Variants in ZC3H8 observed in about 807,000 individuals in gnomAD.
ZC3H8 encodes zinc finger CCCH-type containing 8.
A neutral mutation model predicts 42.5 loss-of-function variants in ZC3H8; 27 were observed. The observed-to-expected ratio is 0.64, with a 90% CI of 0.47 to 0.88. ZC3H8 has a LOEUF of 0.88. Among genes scored for constraint, ZC3H8 ranks in the 40% least tolerant of loss-of-function variants. The pLI, the probability that ZC3H8 is intolerant of heterozygous loss-of-function variation, is 0.00. For synonymous variants in ZC3H8, 101 were observed against 110.1 expected (o/e 0.92, Z 0.52); for missense variants, 277 against 336.1 (o/e 0.82, Z 1.37).
intron 3 of ZC3H8, among the ~76,000 whole-genome samples, chr2:112,237,448 G>A (rs1173525027): frequency 1.3e-5 from 2 of 152,036 alleles, no homozygotes; most frequent in Admixed American, 6.5e-5. Flanking sequence ...ATCTATCCGT[G>A]CACGCATTTA....
At position 112,213,775 on chromosome 2, in the gene ZC3H8, CAAAAAAAAAAAAAAAAA is replaced by C. The variant is rs1166711844; in HGVS notation, c.*2692_*2708del. 4.2e-4 allele frequency: 10 copies of C among 24,078 alleles called. No individual in the cohort carries two copies. The highest frequency in any genetic ancestry group is 2.8e-3 in the East Asian group (1 of 356). 1.5% of individuals were successfully genotyped at this position (24,078 alleles called of 1,614,324 possible). ...TGGGCGACAGAGCGAGACTCCGTCT[CAAAAAAAAAAAAAAAAA>C]AAAAAAAAAAAAAAAAAAATTTAGT... On this transcript the variant is annotated 3_prime_UTR_variant, in exon 9 of 9. Coordinates refer to ENST00000409573, the MANE Select transcript of ZC3H8 (RefSeq NM_032494.3).
At chr2:112,238,285 C>A in intron 3 of ZC3H8, 30 bp downstream of exon 3, 1 of 1,601,730 alleles carries the variant, frequency 6.2e-7, no homozygotes, top group Admixed American at 1.7e-5. Flanking sequence ...TCTAGATAAA[C>A]TTTAAATGAT....
intron 7 of ZC3H8, among the ~76,000 whole-genome samples, chr2:112,231,256 A>G (rs949533740): frequency 1.3e-5 from 2 of 152,176 alleles, no homozygotes; most frequent in African/African-American, 4.8e-5. Context: ...ACATATGCTC[A>G]AGGGAACATT....
At position 112,218,679 on chromosome 2, in the gene ZC3H8, T is replaced by G. The variant is rs190598687; in HGVS notation, c.*16-2211A>C. Among the ~76,000 whole-genome samples, 602 of 151,766 alleles carry G rather than the reference T, an allele frequency of 4.0e-3. 6 individuals are homozygous for G. The highest frequency in any genetic ancestry group is 3.2e-3 in the Non-Finnish European group (219 of 67,822). ...GGAGATTCACTACAATTTGGAAACA[T>G]AGAGAGAGAGAGAGTCTACTTATGT... On this transcript the variant is annotated intron_variant, in intron 8 of 8. Coordinates refer to ENST00000409573, the MANE Select transcript of ZC3H8 (RefSeq NM_032494.3).
intron 2 of ZC3H8, among the ~76,000 whole-genome samples, chr2:112,243,034 G>A (rs890089222): frequency 2.6e-4 from 39 of 152,176 alleles, no homozygotes; most frequent in Non-Finnish European, 4.9e-4. Context: ...GAGGAAACTG[G>A]AGCTTCATCA....
At chr2:112,254,869 G>A in intron 1 of ZC3H8, 39 bp downstream of exon 1, 1 of 1,603,600 alleles carries the variant, frequency 6.2e-7, no homozygotes, top group Non-Finnish European at 8.5e-7. Context: ...GAGTCCCGCT[G>A]AGCCCCTGCA....
rs745379845 is a variant in ZC3H8 at position 112,238,348 on chromosome 2, T to C, written c.337A>G (p.Thr113Ala). 6 of 1,613,662 alleles carry C rather than the reference T, an allele frequency of 3.7e-6. No individual in the cohort carries two copies. In the Admixed American group the frequency reaches 5.0e-5, roughly 13 times the overall value. ...GTATCTTTTACTCCTTCTTTCTTTGTAGATTCTTCAGGTTGAGCAGCATTT... is the reference window on the plus strand; with the variant it reads ...GTATCTTTTACTCCTTCTTTCTTTGCAGATTCTTCAGGTTGAGCAGCATTT... ...MANAAQPEESTKKEGVKDTPQ... is the reference protein window; with the variant it reads ...MANAAQPEESAKKEGVKDTPQ... The change falls in exon 3 of 9, where the codon ACA becomes GCA. Residue 113 changes from threonine to alanine, a missense_variant. By Grantham distance (58) the Thr-to-Ala change is moderately conservative. Coordinates refer to ENST00000409573, the MANE Select transcript of ZC3H8 (RefSeq NM_032494.3).
chr2:112,236,671 A>G lies in ZC3H8; in HGVS notation c.395T>C (p.Leu132Pro). The G allele has an allele frequency of 6.2e-7, 1 of 1,612,290 alleles. No homozygotes were observed. Among genetic ancestry groups the G allele is most frequent in the Non-Finnish European group, 8.5e-7 (1 of 1,179,332 alleles). The change falls in exon 4 of 9, where the codon CTT becomes CCT. Residue 132 changes from leucine to proline, a missense_variant. Physicochemically the swap from Leu to Pro is moderately conservative, Grantham distance 98. Transcript: ENST00000409573. ...PQAAKQKNKNLKAGHKNGKQK... is the reference protein window; with the variant it reads ...PQAAKQKNKNPKAGHKNGKQK... ...TTTGCCATTCTTGTGACCAGCTTTAAGATTTTTATTTTTTTGTTTAGCAGC... is the reference window on the plus strand; with the variant it reads ...TTTGCCATTCTTGTGACCAGCTTTAGGATTTTTATTTTTTTGTTTAGCAGC...
chr2:112,212,640 G>A lies in ZC3H8; in HGVS notation c.*3844C>T, dbSNP rs1397664450. The A allele has an allele frequency of 2.0e-5, 3 of 152,096 alleles. No homozygotes were observed. Among genetic ancestry groups the A allele is most frequent in the African/African-American group, 7.2e-5 (3 of 41,398 alleles). 9.4% of individuals were successfully genotyped at this position (152,096 alleles called of 1,614,324 possible). A position where few individuals can be genotyped will look rare whatever the true frequency, so the allele number is the denominator to read the frequency against. On this transcript the variant is annotated 3_prime_UTR_variant, in exon 9 of 9. Transcript: ENST00000409573. Reference sequence around the variant, plus strand: ...TCATCTAAGACTGGTTAAGTCCATGGCTCAGCTGTTATCAAGGATCCAGCT... The same window carrying A: ...TCATCTAAGACTGGTTAAGTCCATGACTCAGCTGTTATCAAGGATCCAGCT...
Position 112,255,029 on chromosome 2 carries a change from C to A in ZC3H8, c.-48G>T, listed in dbSNP as rs1333467969. The A allele has an allele frequency of 3.9e-6, 6 of 1,555,630 alleles. No homozygotes were observed. The highest frequency in any genetic ancestry group is 1.4e-5 in the African/African-American group (1 of 73,552). ...CGCGAGCCGGGAAGCTACAGAGTAA[C>A]AACCCGAGAGAGTGACAACCCGGAC... On this transcript the variant is annotated 5_prime_UTR_variant, in exon 1 of 9. Coordinates refer to ENST00000409573, the MANE Select transcript of ZC3H8 (RefSeq NM_032494.3).
intron 8 of ZC3H8, among the ~76,000 whole-genome samples, chr2:112,217,696 C>G (rs1462657708): frequency 6.6e-6 from 1 of 152,196 alleles, no homozygotes; most frequent in Non-Finnish European, 1.5e-5. Flanking sequence ...GGAAAGCTTT[C>G]AAGCTCACAG....
chr2:112,217,258 C>T (rs1282898480), intron 8 of ZC3H8, among the ~76,000 whole-genome samples: 1 of 152,060 alleles, frequency 6.6e-6, no homozygotes, highest in African/African-American at 2.4e-5. Flanking sequence ...GTAATCCCAG[C>T]TATTCAGGAG....
Position 112,212,578 on chromosome 2 carries a change from A to T in ZC3H8, c.*3906T>A, listed in dbSNP as rs558740273. Reference sequence around the variant, plus strand: ...AACAATAATGAAAATATATTATTTCAGGTGGTATGACATGAAATCTGAAGG... The same window carrying T: ...AACAATAATGAAAATATATTATTTCTGGTGGTATGACATGAAATCTGAAGG... On this transcript the variant is annotated 3_prime_UTR_variant, in exon 9 of 9. Coordinates refer to ENST00000409573, the MANE Select transcript of ZC3H8 (RefSeq NM_032494.3). The T allele has an allele frequency of 6.6e-6, 1 of 152,326 alleles. No individual in the cohort carries two copies. The highest frequency in any genetic ancestry group is 2.4e-5 in the African/African-American group (1 of 41,572). 9.4% of individuals were successfully genotyped at this position (152,326 alleles called of 1,614,324 possible).
chr2:112,214,674 G>A lies in ZC3H8; in HGVS notation c.*1810C>T, dbSNP rs772365133. The A allele has an allele frequency of 1.2e-4, 19 of 152,292 alleles. No individual in the cohort carries two copies. Among genetic ancestry groups the A allele is most frequent in the South Asian group, 1.2e-3 (6 of 4,812 alleles). The allele number at this position is 152,292 out of a possible 1,614,324, so 9.4% of individuals were successfully genotyped here. A position where few individuals can be genotyped will look rare whatever the true frequency, so the allele number is the denominator to read the frequency against. On this transcript the variant is annotated 3_prime_UTR_variant, in exon 9 of 9. Coordinates refer to ENST00000409573, the MANE Select transcript of ZC3H8 (RefSeq NM_032494.3). ...CAGGGAACGGCACAGTGGGGGCGTGGCTGAAGCAGTATACTCGGAAATCTG... is the reference window on the plus strand; with the variant it reads ...CAGGGAACGGCACAGTGGGGGCGTGACTGAAGCAGTATACTCGGAAATCTG...
At chr2:112,229,734 T>A (rs1005582250) in intron 8 of ZC3H8, among the ~76,000 whole-genome samples, 1 of 152,148 alleles carries the variant, frequency 6.6e-6, no homozygotes, top group Non-Finnish European at 1.5e-5. Context: ...TTGTTTTTGC[T>A]AAGCACCATT....
intron 8 of ZC3H8, among the ~76,000 whole-genome samples, chr2:112,218,094 C>A (rs1684407965): frequency 6.6e-6 from 1 of 152,192 alleles, no homozygotes; most frequent in Non-Finnish European, 1.5e-5. Context: ...TCATGAAAAA[C>A]AACTCATTCA....
At chr2:112,239,631 C>A (rs1355962819) in intron 2 of ZC3H8, among the ~76,000 whole-genome samples, 1 of 133,458 alleles carries the variant, frequency 7.5e-6, no homozygotes, top group Non-Finnish European at 1.5e-5. Context: ...ATTGCCCAGG[C>A]TGGAGTGCAG....
intron 2 of ZC3H8, among the ~76,000 whole-genome samples, chr2:112,239,579 CTTTTTTTTTTTTTT>C (rs200972008): frequency 4.6e-5 from 4 of 86,488 alleles, no homozygotes; most frequent in Non-Finnish European, 8.7e-5. Context: ...TAACAGTTTA[CTTTTTTTTTTTTTT>C]TTTTTTTTTT....
In ZC3H8 at chr2:112,231,873, G is replaced by A; in HGVS notation, c.808C>T (p.Pro270Ser). The A allele has an allele frequency of 6.3e-7, 1 of 1,593,552 alleles. No homozygotes were observed. The highest frequency in any genetic ancestry group is 8.6e-7 in the Non-Finnish European group (1 of 1,166,978). ...QGEYCKFSHA[P>S]LTPETQELLA... is the part of the protein sequence containing the mutation. ...AATTCTTGTGTTTCAGGAGTCAGTG[G>A]AGCATGAGAAAACTTGCAGTATTCT... Residue 270 changes from proline (P) to serine (S), a missense_variant, in exon 7 of 9, where the codon CCA (proline) becomes TCA (serine). Transcript: ENST00000409573.
Sources: gnomAD v4.1 joint callset for allele counts (sites outside exome capture counted in the v4.1 genomes callset) on GRCh38, gnomAD v4.1.1 for gene constraint, MANE v1.5 for transcripts, NCBI Gene and HGNC (gene_info 2026-07-23, HGNC 2026-07-21) for gene names.